Variants in ADAMTSL1 observed in about 807,000 individuals in gnomAD.
The protein encoded by ADAMTSL1 is ADAMTS like 1, also known as ADAMTS-like protein 1.
In ADAMTSL1, 126 loss-of-function variants were observed where a neutral mutation model predicts 201.8. The observed-to-expected ratio is 0.62, with a 90% CI of 0.54 to 0.72. The LOEUF is 0.72. Among genes scored for constraint, ADAMTSL1 ranks in the 30% least tolerant of loss-of-function variants. The pLI, the probability that ADAMTSL1 is intolerant of heterozygous loss-of-function variation, is 0.00. For missense variants in ADAMTSL1, 2,679 were observed against 2,277.8 expected (o/e 1.18, Z -3.59); for synonymous variants, 1,121 against 903.4 (o/e 1.24, Z -4.32).
At chr9:18,116,789 A>C (rs1825269460) in intron 1 of ADAMTSL1, among the ~76,000 whole-genome samples, 1 of 152,242 alleles carries the variant, frequency 6.6e-6, no homozygotes, top group Non-Finnish European at 1.5e-5. Flanking sequence ...GTATGTATAC[A>C]TGTGCCATGT....
At chr9:18,085,023 GTGTT>G (rs966318897) in intron 1 of ADAMTSL1, among the ~76,000 whole-genome samples, 5 of 152,150 alleles carry the variant, frequency 3.3e-5, no homozygotes, top group African/African-American at 1.2e-4. Context: ...TGGAGGTAGA[GTGTT>G]TGAAGCTGAC....
chr9:18,086,022 T>C (rs1587010896), intron 1 of ADAMTSL1, among the ~76,000 whole-genome samples: 1 of 151,738 alleles, frequency 6.6e-6, no homozygotes, highest in African/African-American at 2.4e-5. Context: ...GGTGTAAGAG[T>C]CGAGGAAGAC....
intron 15 of ADAMTSL1, chr9:18,722,887 C>T (rs1185531467): frequency 4.3e-6 from 3 of 690,704 alleles, no homozygotes; most frequent in Non-Finnish European, 8.0e-6. Context: ...TGAGTAACCT[C>T]GTTTTCTATC....
rs184827405 is a variant in ADAMTSL1, at chr9:18,806,035, T to C, written c.3805+10511T>C. On this transcript the variant is annotated intron_variant, in intron 20 of 28. Transcript: ENST00000380548. ...ATCTAAGTCCTTGAAGTACAACTCA[T>C]TTTTGATGGCAAAGACTAGGGGAAA... 9.9e-4 allele frequency among the ~76,000 whole-genome samples: 151 copies of C among 152,342 alleles called. 2 individuals carry two copies. Among genetic ancestry groups the C allele is most frequent in the African/African-American group, 3.3e-3 (138 of 41,584 alleles).
intron 1 of ADAMTSL1, among the ~76,000 whole-genome samples, chr9:17,938,877 C>G (rs72695951): frequency 0.23 from 34,351 of 152,010 alleles, 4,065 homozygotes; most frequent in Middle Eastern, 0.28. Context: ...GCCTGAGTAT[C>G]TTGTCATCAT....
chr9:17,946,584 T>G (rs1827495592), intron 1 of ADAMTSL1, among the ~76,000 whole-genome samples: 1 of 152,098 alleles, frequency 6.6e-6, no homozygotes, highest in Admixed American at 6.6e-5. Flanking sequence ...ATTCTGTGGT[T>G]GAATGAAAAT....
chr9:18,102,070 C>T (rs534037201), intron 1 of ADAMTSL1, among the ~76,000 whole-genome samples: 6 of 152,228 alleles, frequency 3.9e-5, no homozygotes, highest in East Asian at 1.9e-4. Flanking sequence ...TTGAGAAAGG[C>T]GTTACTTAAT....
chr9:18,624,567 T>C (rs1398383194), intron 5 of ADAMTSL1, among the ~76,000 whole-genome samples: 2 of 152,182 alleles, frequency 1.3e-5, no homozygotes, highest in African/African-American at 4.8e-5. Context: ...GGCTGTATAG[T>C]GTCCTGGGAG....
intron 15 of ADAMTSL1, chr9:18,722,986 T>C (rs2133433774): frequency 2.6e-6 from 2 of 775,308 alleles, no homozygotes; most frequent in Non-Finnish European, 4.8e-6. Context: ...CACCAACTTT[T>C]CTATTTGACT....
rs146945667 is a variant in ADAMTSL1 at position 18,200,450 on chromosome 9, G to A, written c.207+36469G>A. Among the ~76,000 whole-genome samples, 3 of 152,108 alleles carry A rather than the reference G, an allele frequency of 2.0e-5. No homozygotes were observed. The East Asian group carries it at 5.8e-4, about 29-fold the overall frequency. On this transcript the variant is annotated intron_variant, in intron 2 of 29. Coordinates refer to the ADAMTSL1 transcript ENST00000680146. ...TGATTTTGAAGAGATGATTACACAT[G>A]GTGTTTAAAAACTTCAGGCATCATT...
chr9:18,407,780 C>T (rs1818268084), intron 2 of ADAMTSL1, among the ~76,000 whole-genome samples: 1 of 152,058 alleles, frequency 6.6e-6, no homozygotes, highest in Non-Finnish European at 1.5e-5. Context: ...ATTATCTCAC[C>T]TTTGGCTGAA....
intron 4 of ADAMTSL1, among the ~76,000 whole-genome samples, chr9:18,591,650 G>T (rs12216898): frequency 0.076 from 11,578 of 152,096 alleles, 466 homozygotes; most frequent in East Asian, 0.1. Flanking sequence ...TTAGGTTGGT[G>T]CAAAAGTTAT....
chr9:18,453,775 AT>A (rs568901083), intron 2 of ADAMTSL1, among the ~76,000 whole-genome samples: 1 of 152,124 alleles, frequency 6.6e-6, no homozygotes, highest in Non-Finnish European at 1.5e-5. Context: ...TGAAATGCAG[AT>A]TTTTTTGTAT....
At chr9:18,678,410 C>T (rs530582964) in intron 10 of ADAMTSL1, among the ~76,000 whole-genome samples, 2 of 152,084 alleles carry the variant, frequency 1.3e-5, no homozygotes, top group South Asian at 2.1e-4. Context: ...TTCCACATAA[C>T]CCTATTATTA....
At chr9:18,191,198 C>T (rs1385334043) in intron 2 of ADAMTSL1, among the ~76,000 whole-genome samples, 1 of 152,072 alleles carries the variant, frequency 6.6e-6, no homozygotes, top group East Asian at 1.9e-4. Flanking sequence ...GTCATCTGGT[C>T]CCGGGGATAG....
intron 3 of ADAMTSL1, among the ~76,000 whole-genome samples, chr9:18,543,237 T>C (rs1276625461): frequency 6.6e-6 from 1 of 152,210 alleles, no homozygotes; most frequent in East Asian, 1.9e-4. Context: ...TTGTGGTTTG[T>C]GTGTTTCTCC....
intron 26 of ADAMTSL1, among the ~76,000 whole-genome samples, chr9:18,898,428 T>C (rs951739522): frequency 9.2e-5 from 14 of 152,180 alleles, no homozygotes; most frequent in African/African-American, 3.1e-4. Flanking sequence ...CAGAACTTGA[T>C]GACTATCTTT....
intron 2 of ADAMTSL1, among the ~76,000 whole-genome samples, chr9:18,387,016 T>G (rs1342133243): frequency 1.6e-4 from 25 of 152,230 alleles, no homozygotes; most frequent in Non-Finnish European, 3.1e-4. Flanking sequence ...GTGGTAGAAG[T>G]ATATTTATTG....
chr9:18,640,313 A>G (rs544155266), intron 7 of ADAMTSL1, among the ~76,000 whole-genome samples: 1 of 152,294 alleles, frequency 6.6e-6, no homozygotes, highest in South Asian at 2.1e-4. Context: ...GTAGCTCACA[A>G]TAGAAATGAT....
Sources: gnomAD v4.1 joint callset for allele counts (sites outside exome capture counted in the v4.1 genomes callset) on GRCh38, gnomAD v4.1.1 for gene constraint, MANE v1.5 for transcripts, NCBI Gene and HGNC (gene_info 2026-07-23, HGNC 2026-07-21) for gene names.